SYNPO2: variants seen among roughly 807,000 people sequenced by gnomAD.
SYNPO2 encodes synaptopodin-2.
Under a neutral mutation model 85.0 loss-of-function variants are expected in SYNPO2, and 56 were observed. That is an observed-to-expected ratio of 0.66 (90% confidence interval 0.53 to 0.82). The LOEUF (loss-of-function observed/expected upper bound fraction) is 0.82. Among genes scored for constraint, SYNPO2 ranks in the 40% least tolerant of loss-of-function variants. SYNPO2 has a pLI of 0.00. For missense variants in SYNPO2, 1,575 were observed against 1,534.2 expected (o/e 1.03, Z -0.44); for synonymous variants, 602 against 591.1 (o/e 1.02, Z -0.27).
rs1421839738 is a variant in SYNPO2, at chr4:119,036,034, C to T, written c.3252+4007C>T. 38 of 985,212 alleles carry T rather than the reference C, an allele frequency of 3.9e-5. 1 individual carries two copies. The highest frequency in any genetic ancestry group is 4.2e-5 in the Non-Finnish European group (35 of 829,924). The allele number at this position is 985,212 out of a possible 1,614,324, so 61.0% of individuals were successfully genotyped here. On this transcript the variant is annotated intron_variant, in intron 4 of 4. Coordinates refer to ENST00000307142, the MANE Select transcript of SYNPO2 (RefSeq NM_133477.3). ...GTGTCTGCGTTTAGATTTAATTTCT[C>T]AAATAAAGGCCCTTGGCTGCGTATC... is the stretch of plus-strand genomic sequence containing the variant.
At chr4:118,994,115 G>T (rs767812263) in intron 1 of SYNPO2, among the ~76,000 whole-genome samples, 3 of 152,242 alleles carry the variant, frequency 2.0e-5, no homozygotes, top group Non-Finnish European at 4.4e-5. Context: ...TTCCTACAAA[G>T]AATCTAATTT....
Position 118,899,921 on chromosome 4 carries a change from C to A in SYNPO2, c.105+10780C>A, listed in dbSNP as rs542952847. Among the ~76,000 whole-genome samples the A allele has an allele frequency of 2.5e-3, 381 of 152,246 alleles. 11 individuals carry two copies. In the South Asian group the frequency reaches 0.075, roughly 30 times the overall value. ...GGATTACAGGCACCTGCCACCATCC[C>A]CAGCTAATTTTTGTAGTTTTAGTAG... On this transcript the variant is annotated intron_variant, in intron 1 of 4. Coordinates refer to ENST00000307142, the MANE Select transcript of SYNPO2 (RefSeq NM_133477.3).
At chr4:119,055,174 CAG>C (rs369669782) in intron 4 of SYNPO2, among the ~76,000 whole-genome samples, 1 of 150,194 alleles carries the variant, frequency 6.7e-6, no homozygotes, top group Non-Finnish European at 1.5e-5. Context: ...TTTTTTGAGA[CAG>C]AGTCTTGCTC....
chr4:118,925,910 G>C (rs1733695504), intron 1 of SYNPO2, among the ~76,000 whole-genome samples: 2 of 152,076 alleles, frequency 1.3e-5, no homozygotes, highest in Non-Finnish European at 2.9e-5. Flanking sequence ...GAAATTTCCA[G>C]ATATTTAAAA....
chr4:118,988,185 A>G (rs1736286796), intron 1 of SYNPO2, among the ~76,000 whole-genome samples: 1 of 152,228 alleles, frequency 6.6e-6, no homozygotes. Flanking sequence ...ATTATTTGCC[A>G]GTACTTCTAA....
Position 118,876,665 on chromosome 4 carries a change from T to TCC in SYNPO2, c.12+25725_12+25726insCC, listed in dbSNP as rs1248778797. On this transcript the variant is annotated intron_variant, in intron 1 of 4. Coordinates refer to the SYNPO2 transcript ENST00000610556. ...TTCCTTTCTTCCTTCCTTCCTTCCTTTCTCTTTCTTTCTTTCTTTCTTTCT... is the reference window on the plus strand; with the variant it reads ...TTCCTTTCTTCCTTCCTTCCTTCCTTCCTCTCTTTCTTTCTTTCTTTCTTTCT... Among the ~76,000 whole-genome samples, 38 of 135,268 alleles carry TCC rather than the reference T, an allele frequency of 2.8e-4. 1 individual carries two copies. Among genetic ancestry groups the TCC allele is most frequent in the Non-Finnish European group, 4.8e-4 (29 of 60,254 alleles). The allele number at this position is 135,268 out of a possible 152,430, so 88.7% of individuals were successfully genotyped here.
chr4:119,033,704 A>G (rs972526362), intron 4 of SYNPO2: 16 of 985,142 alleles, frequency 1.6e-5, no homozygotes, highest in Non-Finnish European at 1.6e-5. Context: ...ATTTTTCACT[A>G]TCCTATTAAA....
intron 1 of SYNPO2, among the ~76,000 whole-genome samples, chr4:118,883,082 C>G (rs983628113): frequency 2.0e-5 from 3 of 150,934 alleles, no homozygotes; most frequent in African/African-American, 7.3e-5. Context: ...TTTTTAAAGG[C>G]CTTTTAATAA....
intron 4 of SYNPO2, chr4:119,036,415 AAAG>A (rs1738512951): frequency 2.7e-5 from 27 of 985,326 alleles, no homozygotes; most frequent in Non-Finnish European, 3.3e-5. Flanking sequence ...TGGGGGACAC[AAAG>A]ATGCCTGTGA....
chr4:119,037,014 A>C, intron 4 of SYNPO2: 1 of 1,365,614 alleles, frequency 7.3e-7, no homozygotes, highest in Non-Finnish European at 9.5e-7. Flanking sequence ...AATTTTTCTA[A>C]TTTTTATTTT....
chr4:118,869,015 A>T (rs764985343), intron 1 of SYNPO2, among the ~76,000 whole-genome samples: 9 of 152,156 alleles, frequency 5.9e-5, no homozygotes, highest in Non-Finnish European at 1.2e-4. Flanking sequence ...CAAATGACAC[A>T]TGGTGGGGCT....
intron 1 of SYNPO2, among the ~76,000 whole-genome samples, chr4:119,003,405 G>T (rs532537881): frequency 1.5e-4 from 23 of 152,266 alleles, no homozygotes; most frequent in African/African-American, 5.3e-4. Flanking sequence ...ATTACAATTT[G>T]AGATGAGATT....
At position 119,055,435 on chromosome 4, in the gene SYNPO2, G is replaced by A. The variant is rs935418544; in HGVS notation, c.3253-1966G>A. 5.9e-5 allele frequency among the ~76,000 whole-genome samples: 9 copies of A among 152,188 alleles called. 1 individual carries two copies. Among genetic ancestry groups the A allele is most frequent in the Admixed American group, 3.9e-4 (6 of 15,280 alleles). ...CTCCCCAAGAGTTGGGATTACAGGCGTGAGCCACTGCACTGGCCCAAACTG... is the reference window on the plus strand; with the variant it reads ...CTCCCCAAGAGTTGGGATTACAGGCATGAGCCACTGCACTGGCCCAAACTG... On this transcript the variant is annotated intron_variant, in intron 4 of 4. Coordinates refer to ENST00000307142, the MANE Select transcript of SYNPO2 (RefSeq NM_133477.3).
At chr4:118,951,521 G>A (rs952589054) in intron 1 of SYNPO2, among the ~76,000 whole-genome samples, 1 of 152,162 alleles carries the variant, frequency 6.6e-6, no homozygotes, top group African/African-American at 2.4e-5. Context: ...GCCAGTACAT[G>A]AAGAAACAGC....
At chr4:118,984,090 T>C (rs1736131431) in intron 1 of SYNPO2, among the ~76,000 whole-genome samples, 1 of 152,230 alleles carries the variant, frequency 6.6e-6, no homozygotes, top group African/African-American at 2.4e-5. Context: ...CCTAGACTTC[T>C]GAAAAGATCA....
At chr4:118,890,485 G>A (rs922831450) in intron 1 of SYNPO2, among the ~76,000 whole-genome samples, 2 of 151,986 alleles carry the variant, frequency 1.3e-5, no homozygotes, top group African/African-American at 2.4e-5. Context: ...GGTTTTGTTG[G>A]GTTCCTTTAG....
chr4:119,046,810 C>T (rs9996295), intron 4 of SYNPO2, among the ~76,000 whole-genome samples: 107,798 of 152,152 alleles, frequency 0.71, 38,456 homozygotes, highest in East Asian at 0.85. Context: ...GTTTCCATTC[C>T]TTCCAATATA....
At chr4:118,949,021 A>C (rs1427639781) in intron 1 of SYNPO2, among the ~76,000 whole-genome samples, 1 of 152,168 alleles carries the variant, frequency 6.6e-6, no homozygotes, top group African/African-American at 2.4e-5. Context: ...AAAATCTCTG[A>C]GTAGGGCCTT....
chr4:119,056,767 C>G (rs961973782), intron 4 of SYNPO2, among the ~76,000 whole-genome samples: 1 of 152,052 alleles, frequency 6.6e-6, no homozygotes, highest in Non-Finnish European at 1.5e-5. Flanking sequence ...TCCATGTGAT[C>G]GTCACCATAT....
Sources: allele counts gnomAD v4.1 joint callset (sites outside exome capture counted in the v4.1 genomes callset), GRCh38; gene constraint gnomAD v4.1.1; transcripts MANE v1.5; gene names NCBI Gene and HGNC (gene_info 2026-07-23, HGNC 2026-07-21).